Variants in BRIP1 observed in about 807,000 individuals in gnomAD.
BRIP1 encodes the protein BRCA1 interacting DNA helicase 1.
BRIP1 carries 88 observed loss-of-function variants against 119.7 expected under a neutral mutation model. The ratio of observed to expected loss-of-function variants is 0.74; its 90% confidence interval spans 0.62 to 0.88. BRIP1 has a LOEUF of 0.88. BRIP1 is among the 40% of genes least tolerant of loss of function. The pLI is 0.00. For synonymous variants in BRIP1, 443 were observed against 496.5 expected (o/e 0.89, Z 1.43); for missense variants, 1,259 against 1,455.4 (o/e 0.87, Z 2.20).
At chr17:61,836,278 TTTTG>T (rs1053986590) in intron 6 of BRIP1, among the ~76,000 whole-genome samples, 225 of 151,990 alleles carry the variant, frequency 1.5e-3, no homozygotes, top group African/African-American at 5.2e-3. Context: ...ACCAAGCTAA[TTTTG>T]TTTGTTTGTT....
Position 61,714,646 on chromosome 17 carries a change from T to C in BRIP1, c.2492+1305A>G, listed in dbSNP as rs148871001. 7.2e-5 allele frequency among the ~76,000 whole-genome samples: 11 copies of C among 152,282 alleles called. No homozygotes were observed. The East Asian group carries it at 2.1e-3, about 29-fold the overall frequency. ...CGTTATTAAGTGATGCATGACTGTA[T>C]AAAATAATGATTTAAAAATGAGTCT... On this transcript the variant is annotated intron_variant, in intron 17 of 19. Coordinates refer to ENST00000259008, the MANE Select transcript of BRIP1 (RefSeq NM_032043.3).
In BRIP1 at chr17:61,857,170, T is replaced by C. The variant is rs764027029; in HGVS notation, c.267A>G (p.Ala89=). 3 of 1,613,984 alleles carry C rather than the reference T, an allele frequency of 1.9e-6. No individual in the cohort carries two copies. The highest frequency in any genetic ancestry group is 2.5e-6 in the Non-Finnish European group (3 of 1,179,794). ...KAEVQLSCCC[A]CHSKDFTNND... ...TGTTTGTAAAATCCTTTGAATGGCA[T>C]GCACAACAACATGACAATTGTACTT... The change falls in exon 4 of 20, where the codon GCA becomes GCG. Residue 89 remains alanine (A), a synonymous_variant. Coordinates refer to ENST00000259008, the MANE Select transcript of BRIP1 (RefSeq NM_032043.3). This position sits in a 1 kb window ranked among gnomAD's most constrained non-coding sequence, Gnocchi z 5.1.
chr17:61,715,833 T>A, intron 17 of BRIP1, 118 bp downstream of exon 17: 1 of 636,062 alleles, frequency 1.6e-6, no homozygotes, highest in Admixed American at 2.9e-5. Flanking sequence ...TACCAGTTCC[T>A]ATGGTTCCAG....
chr17:61,712,040 GATACACAAATCTGAACCC>G (rs2061785251), intron 17 of BRIP1, among the ~76,000 whole-genome samples: 1 of 151,880 alleles, frequency 6.6e-6, no homozygotes, highest in South Asian at 2.1e-4. Context: ...ATGTCTAAGC[GATACACAAATCTGAACCC>G]ACATGCCATC....
At position 61,808,831 on chromosome 17, in the gene BRIP1, C is replaced by A; in HGVS notation, c.628-74G>T. 1 of 1,426,170 alleles carries A rather than the reference C, an allele frequency of 7.0e-7. No homozygotes were observed. Among genetic ancestry groups the A allele is most frequent in the South Asian group, 1.2e-5 (1 of 85,256 alleles). The allele number at this position is 1,426,170 out of a possible 1,614,324, so 88.3% of individuals were successfully genotyped here. A position where few individuals can be genotyped will look rare whatever the true frequency, so the allele number is the denominator to read the frequency against. ...AACGTTATCAAACCTCACATGGAATCAGAACCTGTAAGTAATGAATCACAA... is the reference window on the plus strand; with the variant it reads ...AACGTTATCAAACCTCACATGGAATAAGAACCTGTAAGTAATGAATCACAA... On this transcript the variant is annotated intron_variant, in intron 6 of 19. Coordinates refer to ENST00000259008, the MANE Select transcript of BRIP1 (RefSeq NM_032043.3). The surrounding 1 kb of genome is among the most constrained non-coding windows in gnomAD (Gnocchi z 4.1).
intron 18 of BRIP1, among the ~76,000 whole-genome samples, chr17:61,692,510 A>G (rs1156961682): frequency 6.6e-6 from 1 of 152,156 alleles, no homozygotes; most frequent in Non-Finnish European, 1.5e-5. Flanking sequence ...AAAAACAGAT[A>G]TGCAAAGAAA....
chr17:61,734,367 G>T lies in BRIP1; in HGVS notation c.2379+8646C>A, dbSNP rs2076890122. On this transcript the variant is annotated intron_variant, in intron 16 of 19. Transcript: ENST00000259008. The surrounding 1 kb of genome is among the most constrained non-coding windows in gnomAD (Gnocchi z 5.2). ...TGGTTCATTCTCATGCCCCTCAAATGCTTTGGTTTAGTGCACAGAAAGTTT... is the reference window on the plus strand; with the variant it reads ...TGGTTCATTCTCATGCCCCTCAAATTCTTTGGTTTAGTGCACAGAAAGTTT... Among the ~76,000 whole-genome samples the T allele has an allele frequency of 6.6e-6, 1 of 152,126 alleles. No homozygotes were observed. The highest frequency in any genetic ancestry group is 1.9e-4 in the East Asian group (1 of 5,206).
intron 17 of BRIP1, among the ~76,000 whole-genome samples, chr17:61,712,623 G>A (rs1221898922): frequency 6.6e-6 from 1 of 152,072 alleles, no homozygotes; most frequent in African/African-American, 2.4e-5. Flanking sequence ...ATTAATTTGT[G>A]GGCCGAATGT....
At position 61,841,432 on chromosome 17, in the gene BRIP1, A is replaced by G. The variant is rs2078655764; in HGVS notation, c.627+5669T>C. The stretch of plus-strand genomic sequence containing the variant: ...TTCTCAAAAGATACATAAAGCCAAC[A>G]AGAACATGAAAAAATGCTGAACATC... On this transcript the variant is annotated intron_variant, in intron 6 of 19. Transcript: ENST00000259008. The surrounding 1 kb of genome is among the most constrained non-coding windows in gnomAD (Gnocchi z 4.1). Among the ~76,000 whole-genome samples the G allele has an allele frequency of 6.6e-6, 1 of 152,204 alleles. No individual in the cohort carries two copies. The highest frequency in any genetic ancestry group is 6.5e-5 in the Admixed American group (1 of 15,276).
rs1214769624 is a variant in BRIP1, at chr17:61,759,667, A to G, written c.2098-15076T>C. On this transcript the variant is annotated intron_variant, in intron 14 of 19. Transcript: ENST00000259008. This position sits in a 1 kb window ranked among gnomAD's most constrained non-coding sequence, Gnocchi z 4.9. ...AATATCACAATAAAGTGAGTCATAC[A>G]TTTTTGTTACCCATCATATATAAAC... Among the ~76,000 whole-genome samples the G allele has an allele frequency of 5.9e-5, 9 of 152,258 alleles. 1 individual carries two copies. In the South Asian group the frequency reaches 1.9e-3, roughly 32 times the overall value.
chr17:61,683,518 T>C lies in BRIP1; in HGVS notation c.3528A>G (p.Ile1176Met). 1 of 1,613,608 alleles carries C rather than the reference T, an allele frequency of 6.2e-7. No individual in the cohort carries two copies. Residue 1176 changes from isoleucine (I) to methionine (M), a missense_variant, in exon 20 of 20, where the codon ATA becomes ATG. Transcript: ENST00000259008. This position sits in a 1 kb window ranked among gnomAD's most constrained non-coding sequence, Gnocchi z 4.7. ...LAKDLFEIRT[I>M]KEVDSAREVK... The stretch of plus-strand genomic sequence containing the variant: ...CTTCTCTGGCTGAATCTACTTCTTT[T>C]ATAGTTCTAATTTCAAAAAGGTCTT...
chr17:61,696,773 CAGG>C (rs1043454864), intron 17 of BRIP1, among the ~76,000 whole-genome samples: 3 of 150,764 alleles, frequency 2.0e-5, no homozygotes, highest in African/African-American at 7.3e-5. Flanking sequence ...ATCACGAGAT[CAGG>C]AGATCGATAC....
chr17:61,696,113 A>T (rs1234463411), intron 17 of BRIP1, among the ~76,000 whole-genome samples: 2 of 151,746 alleles, frequency 1.3e-5, no homozygotes, highest in Non-Finnish European at 2.9e-5. Context: ...TTAATAGATG[A>T]CCTCATTAAA....
intron 6 of BRIP1, among the ~76,000 whole-genome samples, chr17:61,836,651 C>T (rs1419903129): frequency 6.6e-6 from 1 of 152,078 alleles, no homozygotes; most frequent in Non-Finnish European, 1.5e-5. Flanking sequence ...AGAGACATTA[C>T]ACTTGTCCTT....
intron 14 of BRIP1, among the ~76,000 whole-genome samples, chr17:61,765,010 A>G (rs1318616685): frequency 6.6e-6 from 1 of 152,038 alleles, no homozygotes; most frequent in East Asian, 1.9e-4. Flanking sequence ...CCTTTAAAAA[A>G]TAAAGGAGCT....
At position 61,705,599 on chromosome 17, in the gene BRIP1, A is replaced by G. The variant is rs998405683; in HGVS notation, c.2492+10352T>C. ...CTCCTTTTTTTCCTGTTTGCCTCAC[A>G]TTTATTTAGCTCTTCTTTTTCTAGC... On this transcript the variant is annotated intron_variant, in intron 17 of 19. Coordinates refer to ENST00000259008, the MANE Select transcript of BRIP1 (RefSeq NM_032043.3). This position sits in a 1 kb window ranked among gnomAD's most constrained non-coding sequence, Gnocchi z 5.0. Among the ~76,000 whole-genome samples the G allele has an allele frequency of 6.6e-6, 1 of 151,906 alleles. No individual in the cohort carries two copies. Among genetic ancestry groups the G allele is most frequent in the African/African-American group, 2.4e-5 (1 of 41,356 alleles).
rs916963936 is a variant in BRIP1, at chr17:61,796,865, G to A, written c.1340+2235C>T. Among the ~76,000 whole-genome samples, 1 of 151,966 alleles carries A rather than the reference G, an allele frequency of 6.6e-6. No homozygotes were observed. On this transcript the variant is annotated intron_variant, in intron 9 of 19. Transcript: ENST00000259008. This position sits in a 1 kb window ranked among gnomAD's most constrained non-coding sequence, Gnocchi z 4.8. ...GATATTGAGGAATTGGGGATATACT[G>A]TGCAGGTGGCATCTATAAGACTTAC...
Position 61,700,556 on chromosome 17 carries a change from T to C in BRIP1, c.2493-7044A>G, listed in dbSNP as rs1193835201. ...GGTCTGGAGGATGTTTTGTATATGA[T>C]GAGTTATTTCTCTCTTGCCGCTTTC... is the stretch of plus-strand genomic sequence containing the variant. On this transcript the variant is annotated intron_variant, in intron 17 of 19. Coordinates refer to ENST00000259008, the MANE Select transcript of BRIP1 (RefSeq NM_032043.3). The surrounding 1 kb of genome is among the most constrained non-coding windows in gnomAD (Gnocchi z 4.1). Among the ~76,000 whole-genome samples, 3 of 152,188 alleles carry C rather than the reference T, an allele frequency of 2.0e-5. No homozygotes were observed. Among genetic ancestry groups the C allele is most frequent in the Non-Finnish European group, 4.4e-5 (3 of 68,032 alleles).
chr17:61,858,367 T>C (rs2078926995), intron 3 of BRIP1, among the ~76,000 whole-genome samples: 3 of 146,454 alleles, frequency 2.0e-5, no homozygotes, highest in Admixed American at 2.0e-4. Context: ...GCTTATGAAG[T>C]ATTTACTGTT....
Sources: allele counts gnomAD v4.1 joint callset (sites outside exome capture counted in the v4.1 genomes callset), GRCh38; gene constraint gnomAD v4.1.1; non-coding constraint Gnocchi (gnomAD v3.1); transcripts MANE v1.5; gene names NCBI Gene and HGNC (gene_info 2026-07-23, HGNC 2026-07-21).